The following TAS1R2 variants were observed in gnomAD, a reference collection of about 807,000 sequenced individuals.
TAS1R2 encodes the protein taste 1 receptor member 2.
TAS1R2 carries 47 observed loss-of-function variants against 49.3 expected under a neutral mutation model. The ratio of observed to expected loss-of-function variants is 0.95; its 90% CI spans 0.75 to 1.22. TAS1R2 has a LOEUF of 1.22. Ranked by LOEUF, TAS1R2 falls within the 50% of genes most tolerant of loss-of-function variation. The pLI, the probability that TAS1R2 is intolerant of heterozygous loss-of-function variation, is 0.00. For missense variants in TAS1R2, 1,155 were observed against 1,122.1 expected, an observed-to-expected ratio of 1.03 and a Z score of -0.42; for synonymous variants, 479 against 467.9, an observed-to-expected ratio of 1.02 and a Z score of -0.31.
At chr1:18,851,475 G>A (rs1005995307) in intron 3 of TAS1R2, among the ~76,000 whole-genome samples, 1 of 152,046 alleles carries the variant, frequency 6.6e-6, no homozygotes, top group African/African-American at 2.4e-5. Flanking sequence ...GATTACAGAC[G>A]CCCTCCACTA....
At chr1:18,851,566 T>C (rs1267183884) in intron 3 of TAS1R2, among the ~76,000 whole-genome samples, 1 of 152,080 alleles carries the variant, frequency 6.6e-6, no homozygotes, top group Non-Finnish European at 1.5e-5. Context: ...CCTGACGTCA[T>C]GATTCATCTG....
chr1:18,847,614 C>T (rs1009116091), intron 4 of TAS1R2, among the ~76,000 whole-genome samples: 3 of 152,172 alleles, frequency 2.0e-5, no homozygotes, highest in Non-Finnish European at 4.4e-5. Context: ...CCCAACTCCA[C>T]AAGGCAGGTC....
chr1:18,843,557 C>A (rs1933865175), intron 4 of TAS1R2, among the ~76,000 whole-genome samples: 1 of 152,206 alleles, frequency 6.6e-6, no homozygotes. Context: ...AGTTTCAAGG[C>A]AGAGGGTAAC....
Position 18,847,624 on chromosome 1 carries a change from C to A in TAS1R2, c.1467+1717G>T, listed in dbSNP as rs1299585607. Among the ~76,000 whole-genome samples the A allele has an allele frequency of 2.0e-5, 3 of 152,200 alleles. No homozygotes were observed. In the South Asian group the frequency reaches 6.2e-4, roughly 31 times the overall value. ...CCCTCCCCAACTCCACAAGGCAGGTCTCTATCCTTTCCTACTCCAGCAGAA... is the reference window on the plus strand; with the variant it reads ...CCCTCCCCAACTCCACAAGGCAGGTATCTATCCTTTCCTACTCCAGCAGAA... On this transcript the variant is annotated intron_variant, in intron 4 of 5. Coordinates refer to ENST00000375371, the Ensembl canonical transcript of TAS1R2.
chr1:18,857,704 A>C (rs1569682110), intron 1 of TAS1R2, 73 bp from the exon 2 acceptor site: 3 of 1,497,886 alleles, frequency 2.0e-6, no homozygotes, highest in East Asian at 2.3e-5. Context: ...GAACCAGCCC[A>C]CTCCTCCTTC....
At position 18,854,034 on chromosome 1, in the gene TAS1R2, T is replaced by C. The variant is rs1175346361; in HGVS notation, c.1257+179A>G. On this transcript the variant is annotated intron_variant, in intron 3 of 5. Coordinates refer to ENST00000375371, the Ensembl canonical transcript of TAS1R2. The surrounding 1 kb of genome is among the most constrained non-coding windows in gnomAD (Gnocchi z 4.9). ...CCTGAATCTCCCAAGAACAGACTAC[T>C]ATCTTGAATGGTGAGTGTTCAATTA... Among the ~76,000 whole-genome samples the C allele has an allele frequency of 6.6e-6, 1 of 152,214 alleles. No homozygotes were observed. Among genetic ancestry groups the C allele is most frequent in the Non-Finnish European group, 1.5e-5 (1 of 68,040 alleles).
intron 4 of TAS1R2, among the ~76,000 whole-genome samples, chr1:18,844,986 C>T (rs1933891563): frequency 6.6e-6 from 1 of 152,198 alleles, no homozygotes; most frequent in South Asian, 2.1e-4. Context: ...GAGCCCTTGA[C>T]TTGATACAAT....
intron 4 of TAS1R2, among the ~76,000 whole-genome samples, chr1:18,844,278 G>A (rs1021131351): frequency 2.0e-5 from 3 of 152,186 alleles, no homozygotes; most frequent in Admixed American, 2.0e-4. Context: ...CATATGGAAT[G>A]GCTTGGCTGG....
chr1:18,849,235 T>C (rs1569667133), intron 4 of TAS1R2, 106 bp downstream of exon 4: 3 of 1,193,238 alleles, frequency 2.5e-6, no homozygotes, highest in East Asian at 2.4e-5. Context: ...CAGAGATTGA[T>C]AAAGCATCTC....
Position 18,849,668 on chromosome 1 carries a change from G to A in TAS1R2, c.1258-118C>T. 2.6e-6 allele frequency: 3 copies of A among 1,150,848 alleles called. No individual in the cohort carries two copies. The South Asian group carries it at 4.4e-5, about 17-fold the overall frequency. The allele number at this position is 1,150,848 out of a possible 1,614,324, so 71.3% of individuals were successfully genotyped here. A position where few individuals can be genotyped will look rare whatever the true frequency, so the allele number is the denominator to read the frequency against. On this transcript the variant is annotated intron_variant, in intron 3 of 5. Coordinates refer to ENST00000375371, the Ensembl canonical transcript of TAS1R2. ...GCCTTGATTTCCAACTCTGTAATAT[G>A]GAGGCAATAAATCTCCGAAAGGGTG... is the stretch of plus-strand genomic sequence containing the variant.
At chr1:18,846,738 G>C (rs552503024) in intron 4 of TAS1R2, among the ~76,000 whole-genome samples, 9 of 151,830 alleles carry the variant, frequency 5.9e-5, no homozygotes, top group African/African-American at 1.9e-4. Context: ...CAGACACATG[G>C]AGAACACCAC....
At chr1:18,844,820 C>T (rs1933887951) in intron 4 of TAS1R2, among the ~76,000 whole-genome samples, 1 of 152,140 alleles carries the variant, frequency 6.6e-6, no homozygotes, top group South Asian at 2.1e-4. Context: ...GGCTTTTGTC[C>T]TCAGCCACCC....
chr1:18,841,955 G>A (rs1569657872), intron 4 of TAS1R2, 103 bp from the exon 5 acceptor site: 2 of 1,116,788 alleles, frequency 1.8e-6, no homozygotes, highest in South Asian at 2.1e-5. Flanking sequence ...AAGCCTAGAA[G>A]CCCCCTAGGT....
chr1:18,844,980 C>T (rs1218224085), intron 4 of TAS1R2, among the ~76,000 whole-genome samples: 2 of 152,182 alleles, frequency 1.3e-5, no homozygotes, highest in Non-Finnish European at 1.5e-5. Flanking sequence ...CATGCTGAGC[C>T]CTTGACTTGA....
intron 4 of TAS1R2, among the ~76,000 whole-genome samples, chr1:18,846,273 C>G (rs1443525412): frequency 6.6e-6 from 1 of 152,208 alleles, no homozygotes. Context: ...GTGATGGGAG[C>G]TAGTGGATTA....
At chr1:18,855,891 T>C (rs1362549359) in intron 2 of TAS1R2, among the ~76,000 whole-genome samples, 1 of 152,204 alleles carries the variant, frequency 6.6e-6, no homozygotes, top group East Asian at 1.9e-4. Flanking sequence ...CTCTTGGCTC[T>C]ACCTTTAAAA....
intron 1 of TAS1R2, among the ~76,000 whole-genome samples, chr1:18,858,912 C>G (rs1934189527): frequency 6.6e-6 from 1 of 152,180 alleles, no homozygotes; most frequent in African/African-American, 2.4e-5. Flanking sequence ...AGAGGTCACT[C>G]TTTTTTAGTC....
rs367608406 is a variant in TAS1R2, at chr1:18,854,306, C to T, written c.1164G>A (p.Val388=). The T allele has an allele frequency of 6.2e-7, 1 of 1,614,034 alleles. No homozygotes were observed. Among genetic ancestry groups the T allele is most frequent in the Non-Finnish European group, 8.5e-7 (1 of 1,180,010 alleles). Reference sequence around the variant, plus strand: ...GGGCCACAGCATAGACCGCAGAGTACACGCTGTAGACGACACGCTCCCCAG... The same window carrying T: ...GGGCCACAGCATAGACCGCAGAGTATACGCTGTAGACGACACGCTCCCCAG... Residue 388 remains valine (V), a synonymous_variant, in exon 3 of 6, where the codon GTG becomes GTA. Coordinates refer to ENST00000375371, the Ensembl canonical transcript of TAS1R2. This position sits in a 1 kb window ranked among gnomAD's most constrained non-coding sequence, Gnocchi z 4.9.
At chr1:18,851,700 T>A (rs1422263472) in intron 3 of TAS1R2, among the ~76,000 whole-genome samples, 1 of 152,188 alleles carries the variant, frequency 6.6e-6, no homozygotes, top group Admixed American at 6.5e-5. Context: ...CCCACTGATC[T>A]GACCCCACCA....
Sources: gnomAD v4.1 joint callset for allele counts (sites outside exome capture counted in the v4.1 genomes callset) on GRCh38, gnomAD v4.1.1 for gene constraint, Gnocchi (gnomAD v3.1) non-coding constraint, MANE v1.5 for transcripts, NCBI Gene and HGNC (gene_info 2026-07-23, HGNC 2026-07-21) for gene names.